Variants in CEMIP observed in about 807,000 individuals in gnomAD.
The protein encoded by CEMIP is cell migration inducing hyaluronidase 1.
In CEMIP, 105 loss-of-function variants were observed where a neutral mutation model predicts 156.9. That is an observed-to-expected ratio of 0.67 (90% CI 0.57 to 0.79). The LOEUF (loss-of-function observed/expected upper bound fraction) is 0.79. Among genes scored for constraint, CEMIP ranks in the 30% least tolerant of loss-of-function variants. The pLI, the probability that CEMIP is intolerant of heterozygous loss-of-function variation, is 0.00. For missense variants in CEMIP, 1,457 were observed against 1,769.4 expected, an observed-to-expected ratio of 0.82 and a Z score of 3.17; for synonymous variants, 676 against 668.4, an observed-to-expected ratio of 1.01 and a Z score of -0.17.
rs563111019 is a variant in CEMIP, at chr15:80,951,263, T to C, written c.*2339T>C. On this transcript the variant is annotated 3_prime_UTR_variant, in exon 30 of 30. Transcript: ENST00000394685. ...TGGCTCAGTTCATTTAAAAAAGATA[T>C]CTATTTGAAAGTTCTCAGAGTTGTA... 6.5e-6 allele frequency: 1 copy of C among 152,772 alleles called. No homozygotes were observed. The highest frequency in any genetic ancestry group is 2.1e-4 in the South Asian group (1 of 4,834). 9.5% of individuals were successfully genotyped at this position (152,772 alleles called of 1,614,324 possible).
intron 7 of CEMIP, among the ~76,000 whole-genome samples, chr15:80,885,359 T>G (rs991055068): frequency 3.9e-5 from 6 of 152,218 alleles, no homozygotes; most frequent in Admixed American, 3.9e-4. Flanking sequence ...GAGTGCATTT[T>G]CCGACAGCCC....
chr15:80,893,641 G>A (rs1899112511), intron 10 of CEMIP, among the ~76,000 whole-genome samples: 1 of 152,110 alleles, frequency 6.6e-6, no homozygotes, highest in Non-Finnish European at 1.5e-5. Context: ...GTTGACCTCC[G>A]TCTAAAAGCA....
At chr15:80,843,483 CA>C (rs1029315871) in intron 1 of CEMIP, among the ~76,000 whole-genome samples, 3 of 152,308 alleles carry the variant, frequency 2.0e-5, no homozygotes, top group African/African-American at 7.2e-5. Flanking sequence ...GCTGGAGGGG[CA>C]GGGGGGCTGC....
rs930021482 is a variant in CEMIP, at chr15:80,942,138, A to G, written c.3612+85A>G. The stretch of plus-strand genomic sequence containing the variant: ...TGCCGTCCAGTCGGGCCCAGACCCA[A>G]TTAGGTCCCTCACTCAGCTCCATAA... On this transcript the variant is annotated intron_variant, in intron 26 of 29. Coordinates refer to ENST00000394685, the MANE Select transcript of CEMIP (RefSeq NM_001293298.2). 1.5e-5 allele frequency: 22 copies of G among 1,497,034 alleles called. No homozygotes were observed. The Admixed American group carries it at 2.5e-4, about 17-fold the overall frequency. The allele number at this position is 1,497,034 out of a possible 1,614,324, so 92.7% of individuals were successfully genotyped here. A position where few individuals can be genotyped will look rare whatever the true frequency, so the allele number is the denominator to read the frequency against.
At chr15:80,882,869 T>A (rs1032231872) in intron 6 of CEMIP, among the ~76,000 whole-genome samples, 11 of 152,056 alleles carry the variant, frequency 7.2e-5, no homozygotes, top group African/African-American at 2.7e-4. Context: ...TGAAAGGTAG[T>A]AGGTGCTTGA....
intron 1 of CEMIP, among the ~76,000 whole-genome samples, chr15:80,860,010 T>C (rs892101991): frequency 3.9e-5 from 6 of 152,012 alleles, no homozygotes; most frequent in African/African-American, 1.4e-4. Context: ...CTCCCACTCA[T>C]ACACAGGCAC....
chr15:80,891,634 T>A (rs149803742), intron 10 of CEMIP, among the ~76,000 whole-genome samples: 1 of 152,208 alleles, frequency 6.6e-6, no homozygotes, highest in African/African-American at 2.4e-5. Context: ...GGCTTTTTCT[T>A]GGCAAAACCA....
At chr15:80,908,327 G>T (rs1430487193) in intron 13 of CEMIP, among the ~76,000 whole-genome samples, 1 of 152,254 alleles carries the variant, frequency 6.6e-6, no homozygotes, top group South Asian at 2.1e-4. Context: ...GCTCTCCAGG[G>T]CCGCTACTAC....
At chr15:80,900,638 G>GTCTGTGTGTGTGTGTGTGTC in intron 12 of CEMIP, among the ~76,000 whole-genome samples, 2 of 101,964 alleles carry the variant, frequency 2.0e-5, no homozygotes, top group East Asian at 3.0e-4. Context: ...GTGTGTGTGT[G>GTCTGTGTGTGTGTGTGTGTC]TGTGTGTGTG....
intron 1 of CEMIP, among the ~76,000 whole-genome samples, chr15:80,804,017 C>T (rs1199396788): frequency 6.6e-6 from 1 of 152,198 alleles, no homozygotes; most frequent in Non-Finnish European, 1.5e-5. Flanking sequence ...AGCAAAGGCA[C>T]ATGTTGCATG....
At chr15:80,868,346 G>A (rs142957677) in intron 1 of CEMIP, among the ~76,000 whole-genome samples, 65 of 152,276 alleles carry the variant, frequency 4.3e-4, no homozygotes, top group African/African-American at 1.5e-3. Flanking sequence ...TGAGAGATAG[G>A]CAGGGAGTGG....
At chr15:80,871,978 C>T (rs1263250037) in intron 1 of CEMIP, among the ~76,000 whole-genome samples, 1 of 152,178 alleles carries the variant, frequency 6.6e-6, no homozygotes, top group Non-Finnish European at 1.5e-5. Context: ...GTTAAGAGGA[C>T]ACGGCCGGCA....
intron 3 of CEMIP, among the ~76,000 whole-genome samples, chr15:80,876,110 A>G (rs985120166): frequency 6.6e-6 from 1 of 152,208 alleles, no homozygotes; most frequent in Non-Finnish European, 1.5e-5. Flanking sequence ...CAGCATATTC[A>G]TGGCTCCTTG....
chr15:80,940,712 G>C (rs1384518282), intron 25 of CEMIP, among the ~76,000 whole-genome samples: 2 of 152,158 alleles, frequency 1.3e-5, no homozygotes, highest in Non-Finnish European at 2.9e-5. Context: ...GAAGACCAAG[G>C]GGTCTTCAAG....
intron 12 of CEMIP, among the ~76,000 whole-genome samples, chr15:80,901,763 C>T (rs886704763): frequency 4.6e-5 from 7 of 151,976 alleles, no homozygotes; most frequent in African/African-American, 1.7e-4. Flanking sequence ...GTCCAGTAGC[C>T]ACCGGTGACT....
intron 1 of CEMIP, among the ~76,000 whole-genome samples, chr15:80,795,378 G>A (rs1896195223): frequency 6.6e-6 from 1 of 152,086 alleles, no homozygotes; most frequent in Non-Finnish European, 1.5e-5. Flanking sequence ...CCTGGTGATG[G>A]TGGGTTGGAG....
intron 24 of CEMIP, 104 bp from the exon 25 acceptor site, chr15:80,937,690 T>C: frequency 1.0e-6 from 1 of 986,076 alleles, no homozygotes; most frequent in Non-Finnish European, 1.6e-6. Flanking sequence ...AAAGTGGAGG[T>C]GTCATTTGGT....
intron 19 of CEMIP, among the ~76,000 whole-genome samples, chr15:80,926,764 T>C (rs1402173418): frequency 8.3e-6 from 1 of 119,936 alleles, no homozygotes; most frequent in African/African-American, 3.2e-5. Context: ...TAAATTTTTT[T>C]TTAAAAAAGT....
At chr15:80,908,568 C>T (rs886643773) in intron 13 of CEMIP, among the ~76,000 whole-genome samples, 24 of 152,146 alleles carry the variant, frequency 1.6e-4, no homozygotes, top group African/African-American at 5.8e-4. Flanking sequence ...GGCATTCCCT[C>T]CACTCACACA....
Sources: gnomAD v4.1 joint callset for allele counts (sites outside exome capture counted in the v4.1 genomes callset) on GRCh38, gnomAD v4.1.1 for gene constraint, MANE v1.5 for transcripts, NCBI Gene and HGNC (gene_info 2026-07-23, HGNC 2026-07-21) for gene names.